MYO5A: variants seen among roughly 807,000 people sequenced by gnomAD.
MYO5A encodes the protein myosin VA.
In MYO5A, 98 loss-of-function variants were observed where a neutral mutation model predicts 249.7. That is an observed-to-expected ratio of 0.39 (90% CI 0.33 to 0.46). The LOEUF is 0.46. Among genes scored for constraint, MYO5A ranks in the 20% least tolerant of loss-of-function variants. The pLI, the probability that MYO5A is intolerant of heterozygous loss-of-function variation, is 0.98. For synonymous variants in MYO5A, 778 were observed against 810.6 expected, an observed-to-expected ratio of 0.96 and a Z score of 0.68; for missense variants, 1,696 against 2,308.8, an observed-to-expected ratio of 0.73 and a Z score of 5.44.
At chr15:52,526,457 G>A (rs1461958168) in intron 1 of MYO5A, among the ~76,000 whole-genome samples, 2 of 152,082 alleles carry the variant, frequency 1.3e-5, no homozygotes, top group Non-Finnish European at 2.9e-5. Context: ...CGCCTTCCAG[G>A]TTCAAGTGAT....
At chr15:52,333,345 C>A (rs1376114243) in intron 34 of MYO5A, among the ~76,000 whole-genome samples, 1 of 152,172 alleles carries the variant, frequency 6.6e-6, no homozygotes, top group Non-Finnish European at 1.5e-5. Flanking sequence ...AAAAAATTTA[C>A]TTTTGGCACC....
intron 1 of MYO5A, among the ~76,000 whole-genome samples, chr15:52,450,897 G>T (rs1486510989): frequency 7.1e-6 from 1 of 140,264 alleles, no homozygotes; most frequent in Non-Finnish European, 1.5e-5. Context: ...GCCCAGGCTG[G>T]ATTGCAGTGG....
At chr15:52,399,441 C>G in intron 9 of MYO5A, among the ~76,000 whole-genome samples, 1 of 152,110 alleles carries the variant, frequency 6.6e-6, no homozygotes, top group Non-Finnish European at 1.5e-5. Context: ...AGGCACACAC[C>G]ATGCACAGTG....
intron 9 of MYO5A, among the ~76,000 whole-genome samples, chr15:52,399,350 T>A: frequency 6.6e-6 from 1 of 152,192 alleles, no homozygotes; most frequent in East Asian, 1.9e-4. Flanking sequence ...CAGGCTAGAG[T>A]GTGGTGGTAC....
chr15:52,512,266 GACT>G (rs1279801322), intron 1 of MYO5A, among the ~76,000 whole-genome samples: 3 of 151,142 alleles, frequency 2.0e-5, no homozygotes, highest in Non-Finnish European at 4.4e-5. Flanking sequence ...ATTAATTAAT[GACT>G]ACAATTTATT....
rs544603801 is a variant in MYO5A, at chr15:52,339,447, T to A, written c.4239+749A>T. ...AGGATTTTTAATATAGTAAATATAT[T>A]TGTCAAAAAACTGTAAATCAGTAAT... is the stretch of plus-strand genomic sequence containing the variant. On this transcript the variant is annotated intron_variant, in intron 32 of 41. Coordinates refer to ENST00000399233, the MANE Select transcript of MYO5A (RefSeq NM_001382347.1). Among the ~76,000 whole-genome samples the A allele has an allele frequency of 7.1e-3, 1,083 of 151,958 alleles. 12 individuals are homozygous for A. The highest frequency in any genetic ancestry group is 0.041 in the South Asian group (199 of 4,816).
intron 34 of MYO5A, among the ~76,000 whole-genome samples, chr15:52,335,641 G>A (rs2039084143): frequency 1.3e-5 from 2 of 151,320 alleles, no homozygotes; most frequent in South Asian, 4.2e-4. Context: ...AGATCCATTT[G>A]TATATAAATA....
chr15:52,397,770 A>G (rs1182137320), intron 9 of MYO5A, among the ~76,000 whole-genome samples: 2 of 152,202 alleles, frequency 1.3e-5, no homozygotes, highest in Non-Finnish European at 2.9e-5. Flanking sequence ...TCAGTCAGCT[A>G]GTCAACAATT....
intron 3 of MYO5A, 108 bp from the exon 4 acceptor site, chr15:52,426,082 A>G: frequency 5.2e-6 from 5 of 970,016 alleles, no homozygotes; most frequent in Non-Finnish European, 6.3e-6. Flanking sequence ...CTTCATTTCA[A>G]TTTAGTTAAT....
At chr15:52,451,598 A>G (rs187993037) in intron 1 of MYO5A, among the ~76,000 whole-genome samples, 3 of 152,100 alleles carry the variant, frequency 2.0e-5, no homozygotes, top group African/African-American at 7.2e-5. Context: ...ATTCCCTACT[A>G]CCTCACTGCT....
At chr15:52,349,451 G>A (rs1433707249) in intron 28 of MYO5A, among the ~76,000 whole-genome samples, 1 of 152,112 alleles carries the variant, frequency 6.6e-6, no homozygotes, top group Non-Finnish European at 1.5e-5. Flanking sequence ...TTTAGGCTGG[G>A]AGCTGAGGAA....
chr15:52,464,664 T>C (rs1182830775), intron 1 of MYO5A, among the ~76,000 whole-genome samples: 1 of 152,190 alleles, frequency 6.6e-6, no homozygotes, highest in African/African-American at 2.4e-5. Flanking sequence ...TTTAGCTGAC[T>C]GAAAAAATAG....
chr15:52,312,640 G>A lies in MYO5A; in HGVS notation c.*1056C>T, dbSNP rs1316668781. 6.6e-6 allele frequency: 1 copy of A among 151,910 alleles called. No individual in the cohort carries two copies. Among genetic ancestry groups the A allele is most frequent in the Non-Finnish European group, 1.5e-5 (1 of 67,980 alleles). The allele number at this position is 151,910 out of a possible 1,614,324, so 9.4% of individuals were successfully genotyped here. A position where few individuals can be genotyped will look rare whatever the true frequency, so the allele number is the denominator to read the frequency against. Reference sequence around the variant, plus strand: ...CCCAAAGTGCTGGGATTACAGGCGTGAGCCACCGCGCCCAGCCGAGATTAA... The same window carrying A: ...CCCAAAGTGCTGGGATTACAGGCGTAAGCCACCGCGCCCAGCCGAGATTAA... On this transcript the variant is annotated 3_prime_UTR_variant, in exon 42 of 42. Transcript: ENST00000399233.
rs1418143447 is a variant in MYO5A, at chr15:52,313,667, T to A, written c.*29A>T. 6.2e-7 allele frequency: 1 copy of A among 1,613,198 alleles called. No homozygotes were observed. The highest frequency in any genetic ancestry group is 1.3e-5 in the African/African-American group (1 of 74,906). The stretch of plus-strand genomic sequence containing the variant: ...GGGTTCTTATTTCGGGCAAGAAATG[T>A]ATTGTCAATTTTTGCCTGGACATCA... On this transcript the variant is annotated 3_prime_UTR_variant, in exon 42 of 42. Transcript: ENST00000399233.
intron 1 of MYO5A, among the ~76,000 whole-genome samples, chr15:52,493,925 C>A (rs560306378): frequency 6.0e-4 from 91 of 152,194 alleles, no homozygotes; most frequent in African/African-American, 2.0e-3. Context: ...AAAAATATTA[C>A]GAAACCATAT....
At chr15:52,441,214 A>C (rs1404307052) in intron 1 of MYO5A, among the ~76,000 whole-genome samples, 1 of 152,166 alleles carries the variant, frequency 6.6e-6, no homozygotes, top group East Asian at 1.9e-4. Context: ...AGGAAACAAA[A>C]ATTATTAAAG....
rs564492097 is a variant in MYO5A at position 52,310,481 on chromosome 15, C to T, written c.*3215G>A. The stretch of plus-strand genomic sequence containing the variant: ...TTTTAAGATCTCTTCCTTTGAATTC[C>T]CATTGTGTGTCACAGAGGAATTAAG... On this transcript the variant is annotated 3_prime_UTR_variant, in exon 42 of 42. Transcript: ENST00000399233. 2.2e-4 allele frequency: 34 copies of T among 152,222 alleles called. No individual in the cohort carries two copies. Among genetic ancestry groups the T allele is most frequent in the African/African-American group, 7.7e-4 (32 of 41,492 alleles). The allele number at this position is 152,222 out of a possible 1,614,324, so 9.4% of individuals were successfully genotyped here.
chr15:52,415,413 C>T lies in MYO5A; in HGVS notation c.612+732G>A, dbSNP rs115916222. Among the ~76,000 whole-genome samples the T allele has an allele frequency of 1.9e-3, 295 of 152,298 alleles. 1 individual carries two copies. Among genetic ancestry groups the T allele is most frequent in the African/African-American group, 6.5e-3 (269 of 41,558 alleles). The stretch of plus-strand genomic sequence containing the variant: ...AAATCCTAAAACACTCAAATTCTCA[C>T]ACAATTAGTTCCATTTTCATTGGCA... On this transcript the variant is annotated intron_variant, in intron 5 of 41. Coordinates refer to ENST00000399233, the MANE Select transcript of MYO5A (RefSeq NM_001382347.1).
At position 52,505,477 on chromosome 15, in the gene MYO5A, G is replaced by C. The variant is rs904760096; in HGVS notation, c.27+23303C>G. Reference sequence around the variant, plus strand: ...AGGAAGTGGAGCTACAGATAGTAAAGATGATGATGACATTGATCTCTCTGG... The same window carrying C: ...AGGAAGTGGAGCTACAGATAGTAAACATGATGATGACATTGATCTCTCTGG... On this transcript the variant is annotated intron_variant, in intron 1 of 41. Coordinates refer to ENST00000399233, the MANE Select transcript of MYO5A (RefSeq NM_001382347.1). The C allele has an allele frequency of 9.3e-6, 10 of 1,074,808 alleles. No homozygotes were observed. In the East Asian group the frequency reaches 1.6e-4, roughly 18 times the overall value. The allele number at this position is 1,074,808 out of a possible 1,614,324, so 66.6% of individuals were successfully genotyped here.
Sources: gnomAD v4.1 joint callset for allele counts (sites outside exome capture counted in the v4.1 genomes callset) on GRCh38, gnomAD v4.1.1 for gene constraint, MANE v1.5 for transcripts, NCBI Gene and HGNC (gene_info 2026-07-23, HGNC 2026-07-21) for gene names.